Variants in ROR1 observed in about 807,000 individuals in gnomAD.
ROR1 encodes ROR family WNT receptor 1.
Under a neutral mutation model 78.8 loss-of-function variants are expected in ROR1, and 19 were observed. The ratio of observed to expected loss-of-function variants is 0.24; its 90% confidence interval spans 0.17 to 0.35. The LOEUF (loss-of-function observed/expected upper bound fraction) is 0.35, where lower values mean the gene tolerates loss of function less well. ROR1 is among the 10% of genes least tolerant of loss of function. The pLI is 1.00. For synonymous variants in ROR1, 386 were observed against 433.6 expected, an observed-to-expected ratio of 0.89 and a Z score of 1.36; for missense variants, 917 against 1,177.8, an observed-to-expected ratio of 0.78 and a Z score of 3.24.
At chr1:64,172,372 T>C (rs1434596905) in intron 8 of ROR1, among the ~76,000 whole-genome samples, 3 of 152,208 alleles carry the variant, frequency 2.0e-5, no homozygotes, top group Non-Finnish European at 4.4e-5. Flanking sequence ...CTTGGAACAA[T>C]GTATTAACTT....
intron 4 of ROR1, among the ~76,000 whole-genome samples, chr1:64,128,830 G>A (rs148242963): frequency 3.3e-5 from 5 of 152,138 alleles, no homozygotes; most frequent in Admixed American, 6.6e-5. Flanking sequence ...AGGGCATGAG[G>A]TCAGAGAGGC....
At chr1:64,081,967 G>A (rs1468429117) in intron 4 of ROR1, among the ~76,000 whole-genome samples, 1 of 152,062 alleles carries the variant, frequency 6.6e-6, no homozygotes, top group Admixed American at 6.6e-5. Context: ...TAAAGCTGAG[G>A]TATACAATAA....
intron 4 of ROR1, among the ~76,000 whole-genome samples, chr1:64,051,209 T>TG (rs1646825653): frequency 6.6e-6 from 1 of 152,080 alleles, no homozygotes; most frequent in African/African-American, 2.4e-5. Flanking sequence ...CCCAGCACTT[T>TG]GGGAGGCCGA....
At chr1:63,954,818 C>T (rs768498978) in intron 1 of ROR1, among the ~76,000 whole-genome samples, 10 of 152,122 alleles carry the variant, frequency 6.6e-5, no homozygotes, top group Non-Finnish European at 1.5e-4. Flanking sequence ...GGGACTTGAT[C>T]ATCCTTGGAT....
At chr1:63,794,786 A>T (rs1569721903) in intron 1 of ROR1, among the ~76,000 whole-genome samples, 2 of 152,324 alleles carry the variant, frequency 1.3e-5, no homozygotes, top group African/African-American at 4.8e-5. Context: ...TGTAAGAATA[A>T]TAGCTCCCAT....
At chr1:64,078,587 G>A (rs1386329511) in intron 4 of ROR1, among the ~76,000 whole-genome samples, 1 of 152,106 alleles carries the variant, frequency 6.6e-6, no homozygotes, top group Non-Finnish European at 1.5e-5. Context: ...CTATGAGAAG[G>A]GAACAATGAG....
intron 5 of ROR1, among the ~76,000 whole-genome samples, chr1:64,139,737 T>C (rs931994629): frequency 2.0e-5 from 3 of 152,090 alleles, no homozygotes; most frequent in Non-Finnish European, 1.5e-5. Flanking sequence ...ACAAGTTCTG[T>C]CCCTACAGCT....
chr1:63,847,237 A>G (rs1262333078), intron 1 of ROR1, among the ~76,000 whole-genome samples: 1 of 152,150 alleles, frequency 6.6e-6, no homozygotes, highest in Non-Finnish European at 1.5e-5. Flanking sequence ...TGTAGTAAAG[A>G]CGGGACTTGG....
intron 1 of ROR1, among the ~76,000 whole-genome samples, chr1:63,968,371 G>C (rs1433187775): frequency 6.6e-6 from 1 of 151,988 alleles, no homozygotes; most frequent in Non-Finnish European, 1.5e-5. Context: ...TAGAACAGTA[G>C]ATATAAAAAG....
At chr1:63,892,984 C>A (rs1015921513) in intron 1 of ROR1, among the ~76,000 whole-genome samples, 5 of 152,058 alleles carry the variant, frequency 3.3e-5, no homozygotes, top group Admixed American at 2.0e-4. Flanking sequence ...TTGCCAAGGA[C>A]CAGCTGGCAG....
intron 1 of ROR1, among the ~76,000 whole-genome samples, chr1:63,977,038 A>G (rs139275634): frequency 0.018 from 2,769 of 152,250 alleles, 31 homozygotes; most frequent in Non-Finnish European, 0.029. Flanking sequence ...TTCTTCACAT[A>G]ATGGCAGCAA....
chr1:63,815,834 G>C (rs1644889015), intron 1 of ROR1, among the ~76,000 whole-genome samples: 1 of 152,026 alleles, frequency 6.6e-6, no homozygotes, highest in African/African-American at 2.4e-5. Flanking sequence ...AGGACCTACT[G>C]ACACAGTCCT....
chr1:64,089,839 C>G (rs796438258), intron 4 of ROR1, among the ~76,000 whole-genome samples: 1 of 152,128 alleles, frequency 6.6e-6, no homozygotes, highest in East Asian at 1.9e-4. Context: ...GTAATTCTCA[C>G]GTGTTGTGGC....
intron 1 of ROR1, among the ~76,000 whole-genome samples, chr1:63,814,426 G>A (rs1028193103): frequency 1.3e-5 from 2 of 152,100 alleles, no homozygotes; most frequent in East Asian, 1.9e-4. Context: ...TTCTTCCACC[G>A]ATGGGGTGGG....
In ROR1 at chr1:63,863,707, C is replaced by CATTGT. The variant is rs61123882; in HGVS notation, c.91+89292_91+89296dup. On this transcript the variant is annotated intron_variant, in intron 1 of 8. Transcript: ENST00000371079. ...TACATTTTCCAGCATTCAACACTGCCATTGTATTGTATTGTATTGTATTGT... is the reference window on the plus strand; with the variant it reads ...TACATTTTCCAGCATTCAACACTGCCATTGTATTGTATTGTATTGTATTGTATTGT... Among the ~76,000 whole-genome samples, 647 of 65,982 alleles carry CATTGT rather than the reference C, an allele frequency of 9.8e-3. 121 individuals are homozygous for CATTGT. The highest frequency in any genetic ancestry group is 0.02 in the East Asian group (45 of 2,218). The allele number at this position is 65,982 out of a possible 152,430, so 43.3% of individuals were successfully genotyped here.
chr1:64,066,463 G>A (rs963034576), intron 4 of ROR1, among the ~76,000 whole-genome samples: 4 of 152,012 alleles, frequency 2.6e-5, no homozygotes, highest in East Asian at 1.9e-4. Flanking sequence ...GACTACAGGC[G>A]CCCACCACCA....
At chr1:63,983,925 C>T (rs1484982796) in intron 1 of ROR1, among the ~76,000 whole-genome samples, 1 of 152,190 alleles carries the variant, frequency 6.6e-6, no homozygotes, top group African/African-American at 2.4e-5. Flanking sequence ...GTACCCCACA[C>T]CTGGTGTGGC....
At chr1:63,787,239 T>C (rs879711496) in intron 1 of ROR1, among the ~76,000 whole-genome samples, 4 of 152,198 alleles carry the variant, frequency 2.6e-5, no homozygotes, top group Non-Finnish European at 4.4e-5. Flanking sequence ...TCAGTCCTTC[T>C]TTTGTCGTCT....
At chr1:63,804,794 G>A (rs1644818066) in intron 1 of ROR1, among the ~76,000 whole-genome samples, 1 of 152,138 alleles carries the variant, frequency 6.6e-6, no homozygotes, top group Non-Finnish European at 1.5e-5. Flanking sequence ...CCCTAAATAA[G>A]AAGGGACCCC....
Sources: allele counts gnomAD v4.1 joint callset (sites outside exome capture counted in the v4.1 genomes callset), GRCh38; gene constraint gnomAD v4.1.1; transcripts MANE v1.5; gene names NCBI Gene and HGNC (gene_info 2026-07-23, HGNC 2026-07-21).